TRHDE: variants seen among roughly 807,000 people sequenced by gnomAD.
TRHDE encodes thyrotropin releasing hormone degrading enzyme, also known as thyrotropin-releasing hormone-degrading ectoenzyme.
TRHDE carries 72 observed loss-of-function variants against 125.7 expected under a neutral mutation model. The observed-to-expected ratio is 0.57, with a 90% CI of 0.47 to 0.70. The LOEUF (loss-of-function observed/expected upper bound fraction) is 0.70. TRHDE is among the 30% of genes least tolerant of loss of function. The pLI, the probability that TRHDE is intolerant of heterozygous loss-of-function variation, is 0.00. For missense variants in TRHDE, 1,110 were observed against 1,327.1 expected (o/e 0.84, Z 2.54); for synonymous variants, 509 against 509.1 (o/e 1.00, Z 0.00).
At chr12:72,528,252 G>A (rs937363013) in intron 6 of TRHDE, among the ~76,000 whole-genome samples, 6 of 152,088 alleles carry the variant, frequency 3.9e-5, no homozygotes, top group Admixed American at 3.9e-4. Flanking sequence ...TGTTTATTTA[G>A]TACCTTTGAA....
At chr12:72,388,816 G>A (rs924860512) in intron 3 of TRHDE, among the ~76,000 whole-genome samples, 2 of 151,712 alleles carry the variant, frequency 1.3e-5, no homozygotes, top group African/African-American at 4.8e-5. Flanking sequence ...ATCCTATGGT[G>A]AGGCTATTAA....
intron 1 of TRHDE, among the ~76,000 whole-genome samples, chr12:72,277,126 C>T (rs757737788): frequency 6.6e-5 from 10 of 151,962 alleles, no homozygotes; most frequent in Admixed American, 5.3e-4. Flanking sequence ...CAAAGTGAGA[C>T]GACATTAAAA....
At chr12:72,402,974 C>G (rs927190363) in intron 3 of TRHDE, among the ~76,000 whole-genome samples, 1 of 152,146 alleles carries the variant, frequency 6.6e-6, no homozygotes, top group East Asian at 1.9e-4. Flanking sequence ...ATTATTTAGC[C>G]AGTTGGTACC....
chr12:72,628,479 G>T (rs1031576424), intron 15 of TRHDE, among the ~76,000 whole-genome samples: 14 of 151,786 alleles, frequency 9.2e-5, no homozygotes, highest in African/African-American at 3.1e-4. Context: ...GGCAGAATCC[G>T]TACTGAAACA....
intron 9 of TRHDE, among the ~76,000 whole-genome samples, chr12:72,566,438 G>A (rs10879444): frequency 0.27 from 40,402 of 151,226 alleles, 8,123 homozygotes; most frequent in African/African-American, 0.55. Flanking sequence ...CTGAACAGCT[G>A]TGTGATACAA....
chr12:72,487,761 A>G (rs992508065), intron 5 of TRHDE, among the ~76,000 whole-genome samples: 1 of 152,156 alleles, frequency 6.6e-6, no homozygotes, highest in Non-Finnish European at 1.5e-5. Context: ...AGTGACGGTG[A>G]TATATAAATC....
Position 72,273,063 on chromosome 12 carries a change from G to A in TRHDE, c.420G>A (p.Ser140=), listed in dbSNP as rs773001922. The A allele has an allele frequency of 2.0e-6, 3 of 1,527,236 alleles. No homozygotes were observed. The allele number at this position is 1,527,236 out of a possible 1,614,324, so 94.6% of individuals were successfully genotyped here. A position where few individuals can be genotyped will look rare whatever the true frequency, so the allele number is the denominator to read the frequency against. Residue 140 remains serine, a synonymous_variant, in exon 1 of 19, where the codon TCG becomes TCA. Coordinates refer to ENST00000261180, the MANE Select transcript of TRHDE (RefSeq NM_013381.3). This position sits in a 1 kb window ranked among gnomAD's most constrained non-coding sequence, Gnocchi z 5.3. ...ERGGNGSLPG[S]ARRNHHAGGD... is the part of the protein sequence containing the mutation. ...GCGGCAACGGGAGCCTCCCTGGATC[G>A]GCCCGGCGCAACCACCACGCAGGCG... is the stretch of plus-strand genomic sequence containing the variant.
chr12:72,250,337 G>C (rs1045636229), intron 2 of TRHDE, among the ~76,000 whole-genome samples: 2 of 152,162 alleles, frequency 1.3e-5, no homozygotes, highest in Non-Finnish European at 2.9e-5. Context: ...GTCATTAAAG[G>C]CTGGCAGTGT....
chr12:72,595,967 T>A (rs1287682437), intron 12 of TRHDE, among the ~76,000 whole-genome samples: 1 of 152,138 alleles, frequency 6.6e-6, no homozygotes, highest in Non-Finnish European at 1.5e-5. Context: ...GGATATTCTC[T>A]ATTTACCTTC....
chr12:72,446,390 G>A (rs905686899), intron 3 of TRHDE, among the ~76,000 whole-genome samples: 3 of 151,888 alleles, frequency 2.0e-5, no homozygotes, highest in Admixed American at 1.3e-4. Flanking sequence ...ACCAGTACCA[G>A]CCACTGCAAA....
At chr12:72,364,634 G>T (rs545710580) in intron 2 of TRHDE, among the ~76,000 whole-genome samples, 11 of 152,012 alleles carry the variant, frequency 7.2e-5, no homozygotes, top group Non-Finnish European at 1.3e-4. Context: ...ACAGAGGGAT[G>T]CCAGCATTAT....
intron 1 of TRHDE, among the ~76,000 whole-genome samples, chr12:72,280,753 T>C (rs1879667693): frequency 6.6e-6 from 1 of 152,114 alleles, no homozygotes; most frequent in Non-Finnish European, 1.5e-5. Flanking sequence ...AACCAGAGAC[T>C]GAAGAGTCAG....
chr12:72,452,191 T>C lies in TRHDE; in HGVS notation c.1316-17567T>C, dbSNP rs551422746. Among the ~76,000 whole-genome samples the C allele has an allele frequency of 1.8e-3, 156 of 88,450 alleles. 1 individual carries two copies. In the Middle Eastern group the frequency reaches 0.019, roughly 11 times the overall value. 58.0% of individuals were successfully genotyped at this position (88,450 alleles called of 152,430 possible). A position where few individuals can be genotyped will look rare whatever the true frequency, so the allele number is the denominator to read the frequency against. On this transcript the variant is annotated intron_variant, in intron 3 of 18. Transcript: ENST00000261180. The stretch of plus-strand genomic sequence containing the variant: ...TTATTGGTTATATTTATTCCTGAGG[T>C]TTTTTTTTTGTAGATACTGTAAACA...
intron 5 of TRHDE, among the ~76,000 whole-genome samples, chr12:72,480,806 C>T (rs746339994): frequency 1.3e-5 from 2 of 152,090 alleles, no homozygotes; most frequent in Non-Finnish European, 2.9e-5. Flanking sequence ...AACTGTCAGA[C>T]ACCACTTGAT....
chr12:72,240,302 ATT>A (rs909415351), intron 2 of TRHDE, among the ~76,000 whole-genome samples: 4 of 38,298 alleles, frequency 1.0e-4, no homozygotes, highest in African/African-American at 5.3e-4. Flanking sequence ...TCCTTCTCAC[ATT>A]TTATATATAT....
chr12:72,091,129 C>T (rs1874780598), intron 1 of TRHDE, among the ~76,000 whole-genome samples: 2 of 152,126 alleles, frequency 1.3e-5, no homozygotes, highest in East Asian at 1.9e-4. Flanking sequence ...CCTCTTCAGC[C>T]TCCCAAAGAG....
chr12:72,447,622 G>T (rs1182842403), intron 3 of TRHDE, among the ~76,000 whole-genome samples: 1 of 151,970 alleles, frequency 6.6e-6, no homozygotes, highest in Non-Finnish European at 1.5e-5. Context: ...ACTCATATTT[G>T]AGAACCACCA....
intron 3 of TRHDE, among the ~76,000 whole-genome samples, chr12:72,426,202 A>G (rs1211450812): frequency 6.6e-6 from 1 of 152,156 alleles, no homozygotes; most frequent in Non-Finnish European, 1.5e-5. Flanking sequence ...GATTAACTGA[A>G]GAAATAATCA....
chr12:72,291,403 G>A (rs182797305), intron 2 of TRHDE, among the ~76,000 whole-genome samples: 3 of 152,176 alleles, frequency 2.0e-5, no homozygotes, highest in East Asian at 1.9e-4. Flanking sequence ...ATGAATGGCC[G>A]CTCCCTGTGA....
Sources: gnomAD v4.1 joint callset for allele counts (sites outside exome capture counted in the v4.1 genomes callset) on GRCh38, gnomAD v4.1.1 for gene constraint, Gnocchi (gnomAD v3.1) non-coding constraint, MANE v1.5 for transcripts, NCBI Gene and HGNC (gene_info 2026-07-23, HGNC 2026-07-21) for gene names.